PLXNA2: variants seen among roughly 807,000 people sequenced by gnomAD.
PLXNA2 encodes plexin-A2.
In PLXNA2, 91 loss-of-function variants were observed where a neutral mutation model predicts 193.5. The ratio of observed to expected loss-of-function variants is 0.47; its 90% CI spans 0.40 to 0.56. The LOEUF (loss-of-function observed/expected upper bound fraction) is 0.56. Ranked by LOEUF, PLXNA2 falls within the 20% of genes least tolerant of loss-of-function variation. PLXNA2 has a pLI of 0.00. For synonymous variants in PLXNA2, 997 were observed against 1,027.3 expected, an observed-to-expected ratio of 0.97 and a Z score of 0.56; for missense variants, 1,995 against 2,503.2, an observed-to-expected ratio of 0.80 and a Z score of 4.33.
At chr1:208,158,475 T>C (rs1669006321) in intron 3 of PLXNA2, among the ~76,000 whole-genome samples, 1 of 152,190 alleles carries the variant, frequency 6.6e-6, no homozygotes, top group East Asian at 1.9e-4. Flanking sequence ...CCAGAGGCAG[T>C]TAAGGGCAGA....
At chr1:208,215,793 T>C (rs1444082274) in intron 2 of PLXNA2, among the ~76,000 whole-genome samples, 3 of 152,110 alleles carry the variant, frequency 2.0e-5, no homozygotes, top group East Asian at 1.9e-4. Context: ...GGATGAATGA[T>C]GGAAGAAGAG....
intron 3 of PLXNA2, among the ~76,000 whole-genome samples, chr1:208,167,899 C>T (rs1669361244): frequency 6.6e-6 from 1 of 152,308 alleles, no homozygotes; most frequent in East Asian, 1.9e-4. Context: ...CCACTCCTCA[C>T]CCCACCCAAC....
Position 208,022,427 on chromosome 1 carries a change from T to G in PLXNA2, c.*4816A>C, listed in dbSNP as rs1242363705. ...TTTTAAATACTTAATTTTCTTACAGTTTTTATTCCACAACACCTGTAAAAA... is the reference window on the plus strand; with the variant it reads ...TTTTAAATACTTAATTTTCTTACAGGTTTTATTCCACAACACCTGTAAAAA... On this transcript the variant is annotated 3_prime_UTR_variant, in exon 32 of 32. Transcript: ENST00000367033. 6.6e-6 allele frequency: 1 copy of G among 152,466 alleles called. No individual in the cohort carries two copies. The highest frequency in any genetic ancestry group is 1.5e-5 in the Non-Finnish European group (1 of 68,020). 9.4% of individuals were successfully genotyped at this position (152,466 alleles called of 1,614,324 possible). A position where few individuals can be genotyped will look rare whatever the true frequency, so the allele number is the denominator to read the frequency against.
At chr1:208,054,682 T>G (rs1474098097) in intron 13 of PLXNA2, 144 bp from the exon 14 acceptor site, 2 of 658,244 alleles carry the variant, frequency 3.0e-6, no homozygotes, top group Non-Finnish European at 2.8e-6. Context: ...CATCTTGCTG[T>G]GTGACCTTGG....
chr1:208,146,623 C>T (rs1276618232), intron 3 of PLXNA2, among the ~76,000 whole-genome samples: 1 of 152,114 alleles, frequency 6.6e-6, no homozygotes, highest in African/African-American at 2.4e-5. Flanking sequence ...ACAGGATGGC[C>T]AGTGGTGAGG....
rs546370294 is a variant in PLXNA2 at position 208,206,922 on chromosome 1, C to T, written c.1371+3358G>A. 7.1e-4 allele frequency among the ~76,000 whole-genome samples: 108 copies of T among 152,164 alleles called. 1 individual carries two copies. Among genetic ancestry groups the T allele is most frequent in the African/African-American group, 2.4e-3 (101 of 41,496 alleles). ...GGGATTACAGGTGCATGCCACCATG[C>T]CCTGCTGATTTTTGTATTTTTAGTA... On this transcript the variant is annotated intron_variant, in intron 3 of 31. Transcript: ENST00000367033.
At chr1:208,128,489 A>G (rs1214791348) in intron 4 of PLXNA2, among the ~76,000 whole-genome samples, 1 of 145,222 alleles carries the variant, frequency 6.9e-6, no homozygotes, top group Non-Finnish European at 1.5e-5. Context: ...CCCACTTTAC[A>G]GAAGACAAGA....
At chr1:208,037,764 T>C (rs1306601439) in intron 26 of PLXNA2, among the ~76,000 whole-genome samples, 2 of 151,918 alleles carry the variant, frequency 1.3e-5, no homozygotes, top group Non-Finnish European at 2.9e-5. Context: ...ATTCAATGTG[T>C]CTGCCAGTGT....
intron 29 of PLXNA2, chr1:208,029,512 G>A (rs1208959104): frequency 3.6e-5 from 36 of 998,142 alleles, no homozygotes; most frequent in Middle Eastern, 5.1e-4. Context: ...TGCGCTCCCC[G>A]CCCAGCCCGG....
rs373893286 is a variant in PLXNA2 at position 208,229,177 on chromosome 1, T to G, written c.-80-11175A>C. On this transcript the variant is annotated intron_variant, in intron 1 of 31. Transcript: ENST00000367033. ...GTCTTTCCCTGCCTCTCTTTCTCTC[T>G]AAAAACTGCTAGTTTTTAATTGACT... 3.0e-4 allele frequency among the ~76,000 whole-genome samples: 46 copies of G among 152,266 alleles called. No homozygotes were observed. The East Asian group carries it at 7.9e-3, about 26-fold the overall frequency.
At chr1:208,100,481 A>T (rs983092348) in intron 5 of PLXNA2, among the ~76,000 whole-genome samples, 3 of 152,120 alleles carry the variant, frequency 2.0e-5, no homozygotes, top group African/African-American at 7.2e-5. Context: ...GTTAGCCCTT[A>T]TAATATTAAT....
At chr1:208,210,713 C>A (rs925239269) in intron 2 of PLXNA2, among the ~76,000 whole-genome samples, 2 of 152,210 alleles carry the variant, frequency 1.3e-5, no homozygotes, top group Non-Finnish European at 2.9e-5. Context: ...TCACCTGTAT[C>A]TACCTTTCTG....
intron 26 of PLXNA2, 83 bp from the exon 27 acceptor site, chr1:208,034,675 T>C (rs185160477): frequency 1.7e-4 from 140 of 843,866 alleles, no homozygotes; most frequent in Admixed American, 1.6e-3. Context: ...TCTAGAGGGT[T>C]ATAAGATAGC....
intron 3 of PLXNA2, among the ~76,000 whole-genome samples, chr1:208,199,474 C>T (rs1479925145): frequency 6.6e-6 from 1 of 152,152 alleles, no homozygotes; most frequent in Non-Finnish European, 1.5e-5. Flanking sequence ...GGGTGGATCA[C>T]AAGGTCAGGA....
chr1:208,202,017 C>A (rs1024922335), intron 3 of PLXNA2, among the ~76,000 whole-genome samples: 1 of 150,684 alleles, frequency 6.6e-6, no homozygotes, highest in Non-Finnish European at 1.5e-5. Context: ...CTCTCTGTGT[C>A]CCCCAGCTTG....
At chr1:208,190,245 C>A (rs1670136672) in intron 3 of PLXNA2, among the ~76,000 whole-genome samples, 1 of 152,154 alleles carries the variant, frequency 6.6e-6, no homozygotes, top group African/African-American at 2.4e-5. Context: ...ATGTTTTCTC[C>A]TTTCTGACCT....
chr1:208,237,242 C>T (rs1261182610), intron 1 of PLXNA2, among the ~76,000 whole-genome samples: 3 of 152,196 alleles, frequency 2.0e-5, no homozygotes, highest in East Asian at 1.9e-4. Context: ...AGAGGCAGCC[C>T]GAGGAGTGGA....
chr1:208,095,903 G>T, intron 8 of PLXNA2, 126 bp downstream of exon 8: 2 of 732,462 alleles, frequency 2.7e-6, no homozygotes, highest in African/African-American at 1.7e-5. Context: ...AAAGTGTCAG[G>T]CCCCATGGGG....
At chr1:208,098,795 A>G in intron 6 of PLXNA2, 51 bp downstream of exon 6, 1 of 1,587,968 alleles carries the variant, frequency 6.3e-7, no homozygotes, top group Admixed American at 1.7e-5. Flanking sequence ...ACACCCACAC[A>G]GGTGCATGCA....
Sources: allele counts gnomAD v4.1 joint callset (sites outside exome capture counted in the v4.1 genomes callset), GRCh38; gene constraint gnomAD v4.1.1; transcripts MANE v1.5; gene names NCBI Gene and HGNC (gene_info 2026-07-23, HGNC 2026-07-21).